THUMPD3: variants seen among roughly 807,000 people sequenced by gnomAD.
THUMPD3 encodes tRNA (guanine(6)-N(2))-methyltransferase THUMP3.
THUMPD3 carries 44 observed loss-of-function variants against 54.5 expected under a neutral mutation model. The observed-to-expected ratio is 0.81, with a 90% CI of 0.63 to 1.04. The LOEUF (loss-of-function observed/expected upper bound fraction) is 1.04, where lower values mean the gene tolerates loss of function less well. Among genes scored for constraint, THUMPD3 ranks in the 50% least tolerant of loss-of-function variants. The probability of loss-of-function intolerance (pLI) is 0.00; values close to 1 mark genes in which losing one functional copy is unlikely to be tolerated. For missense variants in THUMPD3, 604 were observed against 601.3 expected, an observed-to-expected ratio of 1.00 and a Z score of -0.05; for synonymous variants, 196 against 201.4, an observed-to-expected ratio of 0.97 and a Z score of 0.23.
chr3:9,381,000 T>C (rs1190153634), intron 7 of THUMPD3: 1 of 167,964 alleles, frequency 6.0e-6, no homozygotes, highest in Non-Finnish European at 1.3e-5. Flanking sequence ...GACATGATCA[T>C]GGCTCACTGT....
chr3:9,376,657 T>C (rs1015162870), intron 5 of THUMPD3, among the ~76,000 whole-genome samples: 4 of 152,084 alleles, frequency 2.6e-5, no homozygotes, highest in African/African-American at 9.7e-5. Flanking sequence ...GTGAGGGAGA[T>C]AAATAGTTAT....
rs1244973749 is a variant in THUMPD3, at chr3:9,371,058, A to G, written c.331-2A>G. On this transcript the variant is annotated splice_acceptor_variant, in intron 3 of 9. Coordinates refer to ENST00000452837, the MANE Select transcript of THUMPD3 (RefSeq NM_001114092.2). LOFTEE classifies it high-confidence loss of function. ...ATGAATTTCTTTCTCTGTCCTTTACAGGAAGAAGTTCTAAAGGATTTTGAA... is the reference window on the plus strand; with the variant it reads ...ATGAATTTCTTTCTCTGTCCTTTACGGGAAGAAGTTCTAAAGGATTTTGAA... The G allele has an allele frequency of 3.2e-6, 5 of 1,551,758 alleles. No homozygotes were observed. The highest frequency in any genetic ancestry group is 2.2e-5 in the Admixed American group (1 of 45,552).
intron 3 of THUMPD3, among the ~76,000 whole-genome samples, chr3:9,370,211 C>T (rs1268017914): frequency 1.3e-5 from 2 of 152,084 alleles, no homozygotes; most frequent in Admixed American, 6.5e-5. Context: ...CAGTTTGTAA[C>T]ATTTACCTTC....
At position 9,371,369 on chromosome 3, in the gene THUMPD3, G is replaced by GAA; in HGVS notation, c.642_643dup (p.Ser215LysfsTer12). 2.5e-6 allele frequency: 4 copies of GAA among 1,614,158 alleles called. No homozygotes were observed. The South Asian group carries it at 3.3e-5, about 13-fold the overall frequency. ...GGCATCTTGCAAAGATGAGACTGAT[G>GAA]AAAGCTCAAAAGAAGAAACTGAGCC... On this transcript the variant is annotated frameshift_variant, in exon 4 of 10. Coordinates refer to ENST00000452837, the MANE Select transcript of THUMPD3 (RefSeq NM_001114092.2). LOFTEE classifies it high-confidence loss of function.
chr3:9,377,821 T>C lies in THUMPD3; in HGVS notation c.941T>C (p.Leu314Pro). 6.2e-7 allele frequency: 1 copy of C among 1,613,526 alleles called. No individual in the cohort carries two copies. The highest frequency in any genetic ancestry group is 8.5e-7 in the Non-Finnish European group (1 of 1,179,528). The change falls in exon 6 of 10, where the codon CTC becomes CCC. Residue 314 changes from leucine to proline, a missense_variant and splice_region_variant. Coordinates refer to ENST00000452837, the MANE Select transcript of THUMPD3 (RefSeq NM_001114092.2). The stretch of plus-strand genomic sequence containing the variant: ...ATAGGCTGTTTTCTTTTCTCTAGGC[T>C]CTGTGATCCTCTACCTTATGATATA... The part of the protein sequence containing the change: ...RSTLAYGMLR[L>P]CDPLPYDIIV...
At chr3:9,383,652 CCTGCT>C (rs1559313252) in intron 8 of THUMPD3, among the ~76,000 whole-genome samples, 1 of 151,634 alleles carries the variant, frequency 6.6e-6, no homozygotes, top group African/African-American at 2.4e-5. Flanking sequence ...GAGACAGAGC[CCTGCT>C]CTGTTGCCCA....
At chr3:9,382,943 G>C in intron 7 of THUMPD3, 1 of 335,270 alleles carries the variant, frequency 3.0e-6, no homozygotes, top group Non-Finnish European at 5.6e-6. Flanking sequence ...TTGCTCAGCT[G>C]GTCTCAAATT....
In THUMPD3 at chr3:9,384,264, A is replaced by C. The variant is rs2033160379; in HGVS notation, c.1288A>C (p.Met430Leu). Residue 430 changes from methionine (M) to leucine (L), a missense_variant, in exon 9 of 10, where the codon ATG becomes CTG. By Grantham distance (15) the Met-to-Leu change is conservative. Transcript: ENST00000452837. ...WNLYPACLRE[M>L]SRVCTPTTGR... ...CCTTTATCCAGCTTGCCTACGGGAG[A>C]TGAGCCGTGTCTGCACACCTACCAC... The C allele has an allele frequency of 6.2e-7, 1 of 1,614,058 alleles. No homozygotes were observed. Among genetic ancestry groups the C allele is most frequent in the Non-Finnish European group, 8.5e-7 (1 of 1,180,038 alleles).
intron 2 of THUMPD3, among the ~76,000 whole-genome samples, chr3:9,365,570 T>C (rs1409913076): frequency 2.0e-5 from 3 of 152,038 alleles, no homozygotes; most frequent in Non-Finnish European, 4.4e-5. Flanking sequence ...ATTTGCATTA[T>C]ACTTGCCAGT....
chr3:9,375,193 G>A (rs2032367098), intron 5 of THUMPD3, among the ~76,000 whole-genome samples: 1 of 152,152 alleles, frequency 6.6e-6, no homozygotes, highest in Non-Finnish European at 1.5e-5. Context: ...GTTTTCACCT[G>A]CCTCTTGAAT....
intron 8 of THUMPD3, among the ~76,000 whole-genome samples, chr3:9,383,610 T>G (rs867165366): frequency 3.3e-5 from 5 of 152,140 alleles, no homozygotes; most frequent in African/African-American, 1.2e-4. Flanking sequence ...TCATTCTGTT[T>G]CTCAGCATAA....
chr3:9,380,736 C>A, intron 7 of THUMPD3, 118 bp downstream of exon 7: 1 of 530,122 alleles, frequency 1.9e-6, no homozygotes, highest in Non-Finnish European at 3.3e-6. Context: ...AATGAATATA[C>A]TATGAGACTC....
Position 9,365,274 on chromosome 3 carries a change from A to T in THUMPD3, c.206A>T (p.Asp69Val). The T allele has an allele frequency of 1.2e-6, 2 of 1,614,226 alleles. No individual in the cohort carries two copies. The highest frequency in any genetic ancestry group is 1.7e-6 in the Non-Finnish European group (2 of 1,180,044). Residue 69 changes from aspartate to valine, a missense_variant, in exon 2 of 10, where the codon GAC (aspartate) becomes GTC (valine). Transcript: ENST00000452837. ...KLGSSCKISR[D>V]RGKIYFVISV... ...GGGTCATCATGCAAAATCAGCAGAG[A>T]CCGTGGCAAGATATATTTTGTCATT... is the stretch of plus-strand genomic sequence containing the variant.
intron 5 of THUMPD3, among the ~76,000 whole-genome samples, chr3:9,376,764 T>C (rs1657111636): frequency 6.6e-6 from 1 of 152,212 alleles, no homozygotes; most frequent in South Asian, 2.1e-4. Flanking sequence ...GGATGCTTCA[T>C]AAAGAGGATA....
At chr3:9,382,982 G>A in intron 7 of THUMPD3, 1 of 413,664 alleles carries the variant, frequency 2.4e-6, no homozygotes, top group Non-Finnish European at 4.5e-6. Context: ...TCCCACCTCA[G>A]CCCCTGAAAG....
chr3:9,379,605 G>C (rs1214209196), intron 6 of THUMPD3, among the ~76,000 whole-genome samples: 1 of 152,174 alleles, frequency 6.6e-6, no homozygotes, highest in Non-Finnish European at 1.5e-5. Context: ...TTTATGTTCT[G>C]CTGACAGGTT....
intron 5 of THUMPD3, among the ~76,000 whole-genome samples, chr3:9,376,530 C>CTAA (rs1323700542): frequency 6.6e-6 from 1 of 152,086 alleles, no homozygotes; most frequent in Non-Finnish European, 1.5e-5. Context: ...GGGTGCTTAC[C>CTAA]CCCTCAAGAG....
intron 7 of THUMPD3, among the ~76,000 whole-genome samples, chr3:9,381,984 C>A (rs1264876053): frequency 4.0e-5 from 6 of 151,506 alleles, no homozygotes; most frequent in Non-Finnish European, 4.4e-5. Flanking sequence ...GGGTTTTCAC[C>A]ATGTTAGCCA....
chr3:9,383,894 T>C (rs1194871759), intron 8 of THUMPD3, among the ~76,000 whole-genome samples: 1 of 152,242 alleles, frequency 6.6e-6, no homozygotes, highest in Non-Finnish European at 1.5e-5. Context: ...ACTGCTGGGA[T>C]TACAGGCATG....
Sources: allele counts gnomAD v4.1 joint callset (sites outside exome capture counted in the v4.1 genomes callset), GRCh38; gene constraint gnomAD v4.1.1; transcripts MANE v1.5; gene names NCBI Gene and HGNC (gene_info 2026-07-23, HGNC 2026-07-21).